The following KLHL2 variants were observed in gnomAD, a reference collection of about 807,000 sequenced individuals.
KLHL2 encodes the protein kelch-like protein 2.
KLHL2 carries 15 observed loss-of-function variants against 75.8 expected under a neutral mutation model. That is an observed-to-expected ratio of 0.20 (90% CI 0.13 to 0.30). The LOEUF (loss-of-function observed/expected upper bound fraction) is 0.30, where lower values mean the gene tolerates loss of function less well. KLHL2 is among the 10% of genes least tolerant of loss of function. The probability of loss-of-function intolerance (pLI) is 1.00; values close to 1 mark genes in which losing one functional copy is unlikely to be tolerated. For missense variants in KLHL2, 381 were observed against 741.0 expected (o/e 0.51, Z 5.64); for synonymous variants, 214 against 251.9 (o/e 0.85, Z 1.42).
intron 6 of KLHL2, among the ~76,000 whole-genome samples, chr4:165,294,978 A>G (rs1033585945): frequency 6.6e-6 from 1 of 152,116 alleles, no homozygotes; most frequent in African/African-American, 2.4e-5. Context: ...CCTGTGACAT[A>G]ATACCTCACC....
intron 2 of KLHL2, 102 bp from the exon 3 acceptor site, chr4:165,228,705 C>T: frequency 1.5e-6 from 1 of 668,530 alleles, no homozygotes; most frequent in South Asian, 1.8e-5. Flanking sequence ...ACGTTAGTCT[C>T]CACTTGATGA....
chr4:165,208,134 C>T (rs1736957870), intron 1 of KLHL2, among the ~76,000 whole-genome samples: 1 of 151,982 alleles, frequency 6.6e-6, no homozygotes, highest in South Asian at 2.1e-4. Context: ...AGGGTCTTCC[C>T]CATCTCGGGC....
intron 13 of KLHL2, 55 bp from the exon 14 acceptor site, chr4:165,317,771 C>A (rs1480214515): frequency 2.2e-6 from 3 of 1,389,792 alleles, no homozygotes; most frequent in Non-Finnish European, 3.1e-6. Flanking sequence ...TACAGTGATA[C>A]TCATATTCAT....
chr4:165,262,684 TC>T (rs1263325758), intron 4 of KLHL2, among the ~76,000 whole-genome samples: 4 of 152,082 alleles, frequency 2.6e-5, no homozygotes, highest in Non-Finnish European at 1.5e-5. Flanking sequence ...GCTCAAGTGA[TC>T]CTCCCACCTC....
chr4:165,217,222 G>T (rs1031917240), intron 1 of KLHL2, among the ~76,000 whole-genome samples: 1 of 152,098 alleles, frequency 6.6e-6, no homozygotes, highest in Non-Finnish European at 1.5e-5. Context: ...CCTTGCTATC[G>T]TATATAGACA....
At chr4:165,304,739 G>A (rs915311735) in intron 8 of KLHL2, among the ~76,000 whole-genome samples, 13 of 152,118 alleles carry the variant, frequency 8.5e-5, no homozygotes, top group African/African-American at 1.4e-4. Context: ...TAGCAGTTAC[G>A]TCTATACTAA....
intron 5 of KLHL2, among the ~76,000 whole-genome samples, chr4:165,285,819 A>G (rs1560805054): frequency 6.6e-6 from 1 of 152,116 alleles, no homozygotes; most frequent in South Asian, 2.1e-4. Flanking sequence ...GACTGTGACT[A>G]AGACTTCATT....
At chr4:165,292,175 TTACA>T (rs1744565499) in intron 5 of KLHL2, among the ~76,000 whole-genome samples, 1 of 152,226 alleles carries the variant, frequency 6.6e-6, no homozygotes, top group African/African-American at 2.4e-5. Context: ...TATTTGTCAT[TTACA>T]TCTTCAATTT....
chr4:165,223,965 A>G (rs546236610), intron 2 of KLHL2: 34 of 451,202 alleles, frequency 7.5e-5, no homozygotes, highest in Non-Finnish European at 1.5e-4. Context: ...CCCAGGCTGG[A>G]ATGCAGTGGC....
chr4:165,314,022 A>C lies in KLHL2; in HGVS notation c.1469-4A>C. The C allele has an allele frequency of 1.9e-6, 3 of 1,609,584 alleles. No individual in the cohort carries two copies. The highest frequency in any genetic ancestry group is 1.1e-5 in the South Asian group (1 of 90,142). ...CCCTCTATTTGGCTGGTTGTGTTTT[A>C]TAGGTGTTGGTGTGTTAAACAATTT... On this transcript the variant is annotated splice_polypyrimidine_tract_variant and splice_region_variant and intron_variant, in intron 12 of 14. Transcript: ENST00000226725.
At chr4:165,316,995 G>T (rs1746635103) in intron 13 of KLHL2, among the ~76,000 whole-genome samples, 1 of 152,096 alleles carries the variant, frequency 6.6e-6, no homozygotes, top group African/African-American at 2.4e-5. Context: ...GAGACATAAG[G>T]TTGGAGGTCA....
At chr4:165,291,869 G>A (rs1430872957) in intron 5 of KLHL2, among the ~76,000 whole-genome samples, 1 of 151,510 alleles carries the variant, frequency 6.6e-6, no homozygotes, top group African/African-American at 2.4e-5. Flanking sequence ...TTACCCAGTT[G>A]CCCAGGCTGG....
At chr4:165,274,840 A>C (rs1407525724) in intron 5 of KLHL2, among the ~76,000 whole-genome samples, 1 of 152,212 alleles carries the variant, frequency 6.6e-6, no homozygotes, top group Non-Finnish European at 1.5e-5. Context: ...CTTTAGGGAA[A>C]GTAAAAATGT....
At chr4:165,228,115 C>G (rs1258687734) in intron 2 of KLHL2, among the ~76,000 whole-genome samples, 1 of 152,236 alleles carries the variant, frequency 6.6e-6, no homozygotes, top group Admixed American at 6.5e-5. Context: ...CCAGGCTGGT[C>G]TCAAACTTCT....
chr4:165,229,076 T>C (rs1738679890), intron 3 of KLHL2, among the ~76,000 whole-genome samples, 163 bp downstream of exon 3: 1 of 152,210 alleles, frequency 6.6e-6, no homozygotes, highest in Non-Finnish European at 1.5e-5. Context: ...GTCTTTGTTT[T>C]GCATTGTTGG....
rs547059840 is a variant in KLHL2 at position 165,292,306 on chromosome 4, G to GT, written c.545-2045dup. ...AAATACAAACATTTTAGAGCTGCTT[G>GT]TTTTTTTTATAGTTATCTTGGGGTG... On this transcript the variant is annotated intron_variant, in intron 5 of 14. Transcript: ENST00000226725. Among the ~76,000 whole-genome samples the GT allele has an allele frequency of 6.6e-5, 10 of 151,566 alleles. No homozygotes were observed. The South Asian group carries it at 1.7e-3, about 25-fold the overall frequency.
intron 5 of KLHL2, among the ~76,000 whole-genome samples, chr4:165,293,181 T>G (rs1262212013): frequency 1.3e-5 from 2 of 152,164 alleles, no homozygotes; most frequent in Admixed American, 6.5e-5. Context: ...TACAAAAGAT[T>G]CGTTCTTTGT....
intron 5 of KLHL2, among the ~76,000 whole-genome samples, chr4:165,293,717 T>C (rs896048366): frequency 9.5e-5 from 14 of 147,564 alleles, no homozygotes; most frequent in South Asian, 2.1e-4. Context: ...GGGGTTTCAC[T>C]GTGTTAGCCA....
intron 1 of KLHL2, chr4:165,208,610 AT>A (rs1437266997): frequency 6.6e-6 from 1 of 152,170 alleles, no homozygotes; most frequent in East Asian, 1.9e-4. Context: ...TAGCTGAAAC[AT>A]TATGTAGAAG....
Sources: gnomAD v4.1 joint callset for allele counts (sites outside exome capture counted in the v4.1 genomes callset) on GRCh38, gnomAD v4.1.1 for gene constraint, MANE v1.5 for transcripts, NCBI Gene and HGNC (gene_info 2026-07-23, HGNC 2026-07-21) for gene names.